The following CEP170 variants were observed in gnomAD, a reference collection of about 807,000 sequenced individuals.
CEP170 encodes centrosomal protein 170.
In CEP170, 21 loss-of-function variants were observed where a neutral mutation model predicts 151.9. The observed-to-expected ratio is 0.14, with a 90% CI of 0.10 to 0.20. The LOEUF is 0.20. Ranked by LOEUF, CEP170 falls within the 10% of genes least tolerant of loss-of-function variation. CEP170 has a pLI of 1.00. For missense variants in CEP170, 964 were observed against 1,892.9 expected (o/e 0.51, Z 9.11); for synonymous variants, 356 against 648.8 (o/e 0.55, Z 6.86).
At chr1:243,189,805 C>G (rs1247806913) in intron 8 of CEP170, among the ~76,000 whole-genome samples, 3 of 152,044 alleles carry the variant, frequency 2.0e-5, no homozygotes, top group African/African-American at 7.2e-5. Flanking sequence ...ATATAAACAG[C>G]CTATGTGTTT....
chr1:243,209,703 G>A (rs187429246), intron 4 of CEP170, among the ~76,000 whole-genome samples: 30 of 149,140 alleles, frequency 2.0e-4, no homozygotes, highest in African/African-American at 5.9e-4. Flanking sequence ...TTTTTGAGAC[G>A]GAGTCTGGCT....
chr1:243,136,553 G>A (rs940255088), intron 16 of CEP170, among the ~76,000 whole-genome samples: 2 of 152,080 alleles, frequency 1.3e-5, no homozygotes, highest in South Asian at 2.1e-4. Context: ...ACTTCCAACT[G>A]AATTATAAAA....
chr1:243,165,733 G>A lies in CEP170; in HGVS notation c.2227C>T (p.Gln743Ter). 6.2e-7 allele frequency: 1 copy of A among 1,614,054 alleles called. No homozygotes were observed. The highest frequency in any genetic ancestry group is 8.5e-7 in the Non-Finnish European group (1 of 1,179,898). Reference protein sequence around the residue: ...ETDKETSLVKQTLAKLQQQEQ... With the variant: ...ETDKETSLVK ...TGTTGTTGAAGTTTTGCTAATGTTTGCTTTACCAAAGAAGTTTCCTTATCA... is the reference window on the plus strand; with the variant it reads ...TGTTGTTGAAGTTTTGCTAATGTTTACTTTACCAAAGAAGTTTCCTTATCA... The change falls in exon 13 of 20, where the codon CAA becomes TAA. Residue 743 changes from glutamine to a stop codon, truncating the protein, a stop_gained. Transcript: ENST00000366542. LOFTEE classifies it high-confidence loss of function.
intron 1 of CEP170, among the ~76,000 whole-genome samples, chr1:243,245,149 T>A (rs1282065333): frequency 6.6e-6 from 1 of 152,158 alleles, no homozygotes; most frequent in Non-Finnish European, 1.5e-5. Context: ...GAATATAATG[T>A]ATGTGTGCAA....
chr1:243,150,656 T>G (rs944512037), intron 14 of CEP170, among the ~76,000 whole-genome samples: 1 of 152,084 alleles, frequency 6.6e-6, no homozygotes, highest in African/African-American at 2.4e-5. Flanking sequence ...ATTCCAATTA[T>G]ATCTGGATTC....
At chr1:243,179,527 A>G (rs538296044) in intron 10 of CEP170, among the ~76,000 whole-genome samples, 53 of 152,340 alleles carry the variant, frequency 3.5e-4, no homozygotes, top group African/African-American at 1.3e-3. Flanking sequence ...AAGGTTTTAA[A>G]CTATATATTT....
intron 14 of CEP170, among the ~76,000 whole-genome samples, chr1:243,146,682 C>T (rs1186128851): frequency 6.9e-6 from 1 of 143,992 alleles, no homozygotes; most frequent in Non-Finnish European, 1.5e-5. Context: ...AAAAAAAAAA[C>T]CCGAGATATT....
intron 18 of CEP170, chr1:243,129,001 A>G: frequency 6.3e-6 from 1 of 157,816 alleles, no homozygotes; most frequent in Non-Finnish European, 1.4e-5. Context: ...AATCTGTACA[A>G]ATTCTTTTAA....
chr1:243,206,166 C>G (rs893154388), intron 4 of CEP170, among the ~76,000 whole-genome samples: 3 of 152,170 alleles, frequency 2.0e-5, no homozygotes, highest in Non-Finnish European at 4.4e-5. Context: ...GATGGAGTCT[C>G]TCTTTTGCCC....
At chr1:243,251,417 G>A (rs10047104) in intron 1 of CEP170, among the ~76,000 whole-genome samples, 10,303 of 152,222 alleles carry the variant, frequency 0.068, 1,147 homozygotes, top group African/African-American at 0.23. Flanking sequence ...TCAATTATAG[G>A]CCCTATCACT....
intron 14 of CEP170, among the ~76,000 whole-genome samples, chr1:243,145,521 C>T (rs2056364844): frequency 6.6e-6 from 1 of 152,260 alleles, no homozygotes; most frequent in Admixed American, 6.5e-5. Context: ...GATCCGCCCG[C>T]CTTGGTCTCC....
intron 3 of CEP170, among the ~76,000 whole-genome samples, chr1:243,214,095 AGT>A (rs778615367): frequency 2.0e-5 from 3 of 152,168 alleles, no homozygotes; most frequent in Non-Finnish European, 4.4e-5. Flanking sequence ...TATTTGATAT[AGT>A]ATGTAAGTGG....
Position 243,186,309 on chromosome 1 carries a change from T to G in CEP170, c.1222A>C (p.Lys408Gln). 6.2e-7 allele frequency: 1 copy of G among 1,613,804 alleles called. No homozygotes were observed. Among genetic ancestry groups the G allele is most frequent in the Non-Finnish European group, 8.5e-7 (1 of 1,179,710 alleles). ...EHLRRHHSEHKKLQKVQATEK... is the reference protein window; with the variant it reads ...EHLRRHHSEHQKLQKVQATEK... The stretch of plus-strand genomic sequence containing the variant: ...GTAGCCTGGACCTTCTGTAGCTTTT[T>G]GTGTTCTGAATGGTGGCGTCTTAAG... Residue 408 changes from lysine to glutamine, a missense_variant, in exon 9 of 20, where the codon AAA (lysine) becomes CAA (glutamine). Physicochemically the swap from Lys to Gln is moderately conservative, Grantham distance 53. Coordinates refer to ENST00000366542, the MANE Select transcript of CEP170 (RefSeq NM_014812.3).
intron 10 of CEP170, among the ~76,000 whole-genome samples, chr1:243,177,702 T>A (rs1390955692): frequency 1.3e-5 from 2 of 152,336 alleles, no homozygotes; most frequent in East Asian, 3.9e-4. Context: ...ATTTTTGTAA[T>A]TGTCTATGAA....
Position 243,193,299 on chromosome 1 carries a change from G to A in CEP170, c.632-1805C>T, listed in dbSNP as rs530899809. Among the ~76,000 whole-genome samples the A allele has an allele frequency of 3.1e-4, 47 of 151,658 alleles. No homozygotes were observed. In the East Asian group the frequency reaches 7.4e-3, roughly 24 times the overall value. On this transcript the variant is annotated intron_variant, in intron 7 of 19. Transcript: ENST00000366542. Reference sequence around the variant, plus strand: ...TTTTTTTTACTATGCACAATGTACTGTACTTGATCAAGTCCATACAGTACA... The same window carrying A: ...TTTTTTTTACTATGCACAATGTACTATACTTGATCAAGTCCATACAGTACA...
At chr1:243,191,982 A>G (rs1019823966) in intron 7 of CEP170, among the ~76,000 whole-genome samples, 1 of 152,224 alleles carries the variant, frequency 6.6e-6, no homozygotes, top group Non-Finnish European at 1.5e-5. Flanking sequence ...GAATACAAAC[A>G]TGAAGTAAAT....
At chr1:243,246,521 T>C (rs1159758036) in intron 1 of CEP170, among the ~76,000 whole-genome samples, 1 of 152,124 alleles carries the variant, frequency 6.6e-6, no homozygotes, top group Non-Finnish European at 1.5e-5. Context: ...CATGAGCCAC[T>C]GGGCCCGGCC....
rs538063804 is a variant in CEP170 at position 243,255,136 on chromosome 1, G to C, written c.-138C>G. ...GTCCTCCCCCCACCTCGTCGTCGTC[G>C]TCGTCGCCGCTGTTGTCGTCGCTGC... On this transcript the variant is annotated 5_prime_UTR_variant, in exon 1 of 20. Transcript: ENST00000366542. 4 of 153,354 alleles carry C rather than the reference G, an allele frequency of 2.6e-5. No homozygotes were observed. In the East Asian group the frequency reaches 7.7e-4, roughly 30 times the overall value. 9.5% of individuals were successfully genotyped at this position (153,354 alleles called of 1,614,324 possible).
chr1:243,136,390 A>T (rs1237332059), intron 16 of CEP170, 159 bp from the exon 17 acceptor site: 1 of 1,029,550 alleles, frequency 9.7e-7, no homozygotes, highest in Admixed American at 3.1e-5. Context: ...TGTAACTAAA[A>T]TGAGAAAGTG....
Sources: allele counts gnomAD v4.1 joint callset (sites outside exome capture counted in the v4.1 genomes callset), GRCh38; gene constraint gnomAD v4.1.1; transcripts MANE v1.5; gene names NCBI Gene and HGNC (gene_info 2026-07-23, HGNC 2026-07-21).